SLC6A16: variants seen among roughly 807,000 people sequenced by gnomAD.
The protein encoded by SLC6A16 is solute carrier family 6 member 16, also known as orphan sodium- and chloride-dependent neurotransmitter transporter NTT5.
A neutral mutation model predicts 65.4 loss-of-function variants in SLC6A16; 54 were observed. The ratio of observed to expected loss-of-function variants is 0.83; its 90% CI spans 0.66 to 1.04. The LOEUF is 1.04. Ranked by LOEUF, SLC6A16 falls within the 50% of genes least tolerant of loss-of-function variation. The pLI is 0.00. For missense variants in SLC6A16, 816 were observed against 914.0 expected, an observed-to-expected ratio of 0.89 and a Z score of 1.38; for synonymous variants, 330 against 346.5, an observed-to-expected ratio of 0.95 and a Z score of 0.53.
At chr19:49,331,551 A>G in the SLC6A16 span, 3 of 353,112 alleles carry the variant, frequency 8.5e-6, no homozygotes, top group Non-Finnish European at 1.7e-5. Context: ...TAGGATGTTT[A>G]AGGTTAGCTG....
In SLC6A16 at chr19:49,290,248, G is replaced by T; in HGVS notation, c.2086C>A (p.Pro696Thr). 1 of 1,614,136 alleles carries T rather than the reference G, an allele frequency of 6.2e-7. No homozygotes were observed. Among genetic ancestry groups the T allele is most frequent in the Non-Finnish European group, 8.5e-7 (1 of 1,180,032 alleles). ...IPFRPKSGDG[P>T]MTASTSLPLS... ...GGTAGGGATGTGGAGGCTGTCATAG[G>T]CCCGTCTCCGCTCTTGGGCCTGAAG... The change falls in exon 12 of 12, where the codon CCT becomes ACT. Residue 696 changes from proline to threonine, a missense_variant. By Grantham distance (38) the Pro-to-Thr change is conservative. Transcript: ENST00000335875.
chr19:49,296,532 A>G (rs75777950), intron 7 of SLC6A16, among the ~76,000 whole-genome samples: 1 of 152,366 alleles, frequency 6.6e-6, no homozygotes, highest in African/African-American at 2.4e-5. Flanking sequence ...AAGGCAGCTT[A>G]ATAAGAAAAG....
At chr19:49,293,747 G>A (rs993249269) in intron 9 of SLC6A16, 80 bp downstream of exon 9, 4 of 1,292,536 alleles carry the variant, frequency 3.1e-6, no homozygotes, top group South Asian at 1.2e-5. Flanking sequence ...CTGGGCTACA[G>A]GGACCCTGTC....
At position 49,292,530 on chromosome 19, in the gene SLC6A16, AC is replaced by A. The variant is rs912638427; in HGVS notation, c.1778+692del. On this transcript the variant is annotated intron_variant, in intron 10 of 11. Coordinates refer to ENST00000335875, the MANE Select transcript of SLC6A16 (RefSeq NM_014037.3). The surrounding 1 kb of genome is among the most constrained non-coding windows in gnomAD (Gnocchi z 4.3). ...TGAAAATGTCATTCTCCTACTCAAA[AC>A]CCTCCAATGCTTCATCTGCCATTCT... 4.4e-4 allele frequency among the ~76,000 whole-genome samples: 67 copies of A among 151,934 alleles called. No homozygotes were observed. Among genetic ancestry groups the A allele is most frequent in the African/African-American group, 1.6e-3 (66 of 41,382 alleles).
chr19:49,337,950 T>A, the SLC6A16 span: 27 of 1,613,916 alleles, frequency 1.7e-5, no homozygotes, highest in African/African-American at 2.7e-5. Flanking sequence ...CGGGACGTCG[T>A]AGAGAAAACC....
chr19:49,309,594 T>C (rs1003490262), intron 5 of SLC6A16, 57 bp downstream of exon 5: 20 of 1,514,612 alleles, frequency 1.3e-5, no homozygotes, highest in East Asian at 4.5e-5. Flanking sequence ...AAGTAACAAA[T>C]TGAGGTAAGG....
At chr19:49,337,072 T>C in the SLC6A16 span, 4 of 1,613,824 alleles carry the variant, frequency 2.5e-6, no homozygotes, top group South Asian at 3.3e-5. Flanking sequence ...GGAACACTCC[T>C]ATCCCCACCC....
chr19:49,339,017 T>A, the SLC6A16 span: 1 of 1,129,874 alleles, frequency 8.9e-7, no homozygotes, highest in Non-Finnish European at 1.3e-6. The surrounding 1 kb of genome is among the most constrained non-coding windows in gnomAD (Gnocchi z 4.5). Flanking sequence ...AGTAGCGGCC[T>A]GAGAAAGGGC....
At chr19:49,338,768 G>A in the SLC6A16 span, 2 of 1,613,672 alleles carry the variant, frequency 1.2e-6, no homozygotes, top group Non-Finnish European at 1.7e-6. The surrounding 1 kb of genome is among the most constrained non-coding windows in gnomAD (Gnocchi z 5.0). Flanking sequence ...GTAACGGGTC[G>A]GAGGCGCACC....
rs1030289120 is a variant in SLC6A16 at position 49,290,001 on chromosome 19, C to T, written c.*122G>A. On this transcript the variant is annotated 3_prime_UTR_variant, in exon 12 of 12. Coordinates refer to ENST00000335875, the MANE Select transcript of SLC6A16 (RefSeq NM_014037.3). ...CCCCATGAACACCCCCAAAGAATGC[C>T]CCTCCTCTTGGAAATAAAAGTGGTT... The T allele has an allele frequency of 5.1e-5, 52 of 1,025,190 alleles. No homozygotes were observed. The highest frequency in any genetic ancestry group is 7.2e-5 in the Non-Finnish European group (51 of 705,514). The allele number at this position is 1,025,190 out of a possible 1,614,324, so 63.5% of individuals were successfully genotyped here.
intron 3 of SLC6A16, 28 bp downstream of exon 3, chr19:49,310,325 C>T (rs1463538922): frequency 6.2e-7 from 1 of 1,612,588 alleles, no homozygotes; most frequent in South Asian, 1.1e-5. Context: ...GTGTAAAAGT[C>T]AGGCCTGGGC....
chr19:49,308,818 G>A (rs766233355), intron 7 of SLC6A16, 58 bp downstream of exon 7: 5 of 1,604,950 alleles, frequency 3.1e-6, no homozygotes, highest in East Asian at 2.2e-5. Flanking sequence ...TAAGGTTAGG[G>A]TCTCAGGGTT....
intron 1 of SLC6A16, among the ~76,000 whole-genome samples, chr19:49,318,868 A>AT (rs71180618): frequency 0.027 from 2,811 of 104,564 alleles, 167 homozygotes; most frequent in African/African-American, 0.086. Context: ...ACAACTGGCT[A>AT]TTTTTTTTTT....
At chr19:49,299,046 C>A (rs185636541) in intron 7 of SLC6A16, among the ~76,000 whole-genome samples, 1,986 of 151,506 alleles carry the variant, frequency 0.013, 20 homozygotes, top group Non-Finnish European at 0.021. Flanking sequence ...GAGATCAAGA[C>A]CATCCTGGCT....
At chr19:49,328,668 C>T (rs1168603795), upstream of SLC6A16, among the ~76,000 whole-genome samples, 2 of 152,210 alleles carry the variant, frequency 1.3e-5, no homozygotes, top group Non-Finnish European at 2.9e-5. Context: ...TTCTTCAACA[C>T]TTTGAAAGAT....
chr19:49,338,319 G>A, the SLC6A16 span: 1 of 736,494 alleles, frequency 1.4e-6, no homozygotes, highest in Non-Finnish European at 2.1e-6. The surrounding 1 kb of genome is among the most constrained non-coding windows in gnomAD (Gnocchi z 5.0). Flanking sequence ...ACCCTAGCGA[G>A]ACACGGCTTC....
At chr19:49,328,419 T>G (rs149355826), upstream of SLC6A16, among the ~76,000 whole-genome samples, 1 of 152,152 alleles carries the variant, frequency 6.6e-6, no homozygotes, top group African/African-American at 2.4e-5. Flanking sequence ...TTATGAAGAT[T>G]ATAATTCAAG....
chr19:49,303,184 T>G (rs1475701293), intron 7 of SLC6A16, among the ~76,000 whole-genome samples: 1 of 152,114 alleles, frequency 6.6e-6, no homozygotes, highest in Non-Finnish European at 1.5e-5. Flanking sequence ...AACAAATTAT[T>G]TAAAACTGAA....
chr19:49,325,599 G>A (rs1305748171), upstream of SLC6A16, among the ~76,000 whole-genome samples: 1 of 152,154 alleles, frequency 6.6e-6, no homozygotes, highest in Non-Finnish European at 1.5e-5. Flanking sequence ...AGACAGGGAC[G>A]TTGCCTTAAG....
Sources: allele counts gnomAD v4.1 joint callset (sites outside exome capture counted in the v4.1 genomes callset), GRCh38; gene constraint gnomAD v4.1.1; non-coding constraint Gnocchi (gnomAD v3.1); transcripts MANE v1.5; gene names NCBI Gene and HGNC (gene_info 2026-07-23, HGNC 2026-07-21).